The following PAK3 variants were observed in gnomAD, a reference collection of about 807,000 sequenced individuals.
PAK3 encodes the protein p21 (RAC1) activated kinase 3.
A neutral mutation model predicts 41.0 loss-of-function variants in PAK3; 4 were observed. The ratio of observed to expected loss-of-function variants is 0.10; its 90% CI spans 0.05 to 0.22. The LOEUF (loss-of-function observed/expected upper bound fraction) is 0.22. PAK3 is among the 10% of genes least tolerant of loss of function. PAK3 has a pLI of 1.00. For synonymous variants in PAK3, 146 were observed against 139.6 expected, an observed-to-expected ratio of 1.05 and a Z score of -0.32; for missense variants, 205 against 409.9, an observed-to-expected ratio of 0.50 and a Z score of 4.32.
At position 110,947,220 on chromosome X, in the gene PAK3, T is replaced by C. The variant is rs940611124; in HGVS notation, c.-28+2592T>C. ...ACCAAAAATAGCCCTGGGTTCTATT[T>C]GAAAGGAATGACAGAAGTAGATGAG... On this transcript the variant is annotated intron_variant, in intron 1 of 14. Coordinates refer to the PAK3 transcript ENST00000425146. Among the ~76,000 whole-genome samples, 5 of 111,956 alleles carry C rather than the reference T, an allele frequency of 4.5e-5. No individual in the cohort carries two copies. In the Admixed American group the frequency reaches 4.7e-4, roughly 11 times the overall value.
chrX:111,194,828 A>G (rs1264022252), intron 14 of PAK3, among the ~76,000 whole-genome samples: 1 of 112,060 alleles, frequency 8.9e-6, no homozygotes, highest in Non-Finnish European at 1.9e-5. Flanking sequence ...TCATTTTTAG[A>G]AGGCAATTTA....
intron 17 of PAK3, chrX:111,217,780 A>C (rs1338749673): frequency 6.0e-6 from 1 of 166,965 alleles, no homozygotes; most frequent in East Asian, 2.6e-4. Context: ...TGAGTACATC[A>C]CTTTTATATT....
At chrX:111,212,617 T>G (rs2094834266) in intron 16 of PAK3, among the ~76,000 whole-genome samples, 1 of 111,940 alleles carries the variant, frequency 8.9e-6, no homozygotes, top group African/African-American at 3.2e-5. Flanking sequence ...CTGTTGCAAT[T>G]AAAATGAAAA....
At chrX:111,108,309 A>G (rs1464898560) in intron 4 of PAK3, among the ~76,000 whole-genome samples, 2 of 111,915 alleles carry the variant, frequency 1.8e-5, no homozygotes, top group Non-Finnish European at 3.8e-5. Flanking sequence ...GTGGAGTAAT[A>G]AGAGTGATCT....
chrX:111,086,877 G>A (rs772436579), intron 1 of PAK3, among the ~76,000 whole-genome samples: 1 of 111,963 alleles, frequency 8.9e-6, no homozygotes, highest in East Asian at 2.8e-4. Flanking sequence ...TGTGCTCTGA[G>A]CTGCCTAGAC....
chrX:111,163,850 T>C, intron 10 of PAK3, 123 bp downstream of exon 10: 1 of 578,269 alleles, frequency 1.7e-6, no homozygotes, highest in South Asian at 2.5e-5. Flanking sequence ...CCCAAAATCA[T>C]GAGATGAAAA....
At chrX:111,097,870 T>C (rs1277192244) in intron 3 of PAK3, among the ~76,000 whole-genome samples, 186 bp downstream of exon 3, 1 of 110,914 alleles carries the variant, frequency 9.0e-6, no homozygotes, top group Non-Finnish European at 1.9e-5. Context: ...ACAAGTGTCA[T>C]ATCCCCCAGC....
rs751818798 is a variant in PAK3 at position 111,193,411 on chromosome X, G to A, written c.992+793G>A. On this transcript the variant is annotated intron_variant, in intron 13 of 17. Coordinates refer to ENST00000372007, the MANE Select transcript of PAK3 (RefSeq NM_002578.5). ...GTCGCCCAGGCTAGAGTGCAGTGGC[G>A]TGATCTCAGCTCACTGCAACCTCTG... Among the ~76,000 whole-genome samples, 140 of 101,129 alleles carry A rather than the reference G, an allele frequency of 1.4e-3. 1 individual carries two copies. The highest frequency in any genetic ancestry group is 7.5e-3 in the South Asian group (16 of 2,132). 87.8% of individuals were successfully genotyped at this position (101,129 alleles called of 115,157 possible).
intron 1 of PAK3, among the ~76,000 whole-genome samples, chrX:111,080,762 G>T (rs1207645902): frequency 8.9e-6 from 1 of 112,185 alleles, no homozygotes; most frequent in Non-Finnish European, 1.9e-5. Flanking sequence ...GAATAAATAT[G>T]TTGAGGATAT....
chrX:111,002,123 C>T (rs1326817643), intron 1 of PAK3, among the ~76,000 whole-genome samples: 1 of 111,661 alleles, frequency 9.0e-6, no homozygotes, highest in Non-Finnish European at 1.9e-5. Context: ...TGCCATTACC[C>T]TCTTTTTAGA....
intron 1 of PAK3, among the ~76,000 whole-genome samples, chrX:111,036,720 C>T (rs1024570818): frequency 3.6e-5 from 4 of 111,829 alleles, no homozygotes; most frequent in South Asian, 3.8e-4. Flanking sequence ...ATAGTAACCA[C>T]GCATGAGAGT....
At chrX:111,179,974 T>C (rs767640864) in intron 11 of PAK3, among the ~76,000 whole-genome samples, 1 of 110,634 alleles carries the variant, frequency 9.0e-6, no homozygotes, top group African/African-American at 3.3e-5. Context: ...GCCAGGCTGG[T>C]CTTGAACTCC....
chrX:111,011,675 C>A (rs1421472632), intron 1 of PAK3, among the ~76,000 whole-genome samples: 1 of 112,501 alleles, frequency 8.9e-6, no homozygotes, highest in Non-Finnish European at 1.9e-5. Flanking sequence ...CTCCGTTCTT[C>A]TGCTTCTGCA....
chrX:111,033,173 G>A (rs996661366), intron 1 of PAK3, among the ~76,000 whole-genome samples: 2 of 111,133 alleles, frequency 1.8e-5, no homozygotes, highest in African/African-American at 6.6e-5. Context: ...TATGGCCATA[G>A]CCCTCTACAC....
At chrX:111,162,887 GA>G in intron 8 of PAK3, 27 bp from the exon 9 acceptor site, 2 of 1,186,524 alleles carry the variant, frequency 1.7e-6, no homozygotes, top group Non-Finnish European at 1.1e-6. Context: ...GTTAATACCT[GA>G]TCTTTAAACT....
At chrX:111,144,893 G>T in intron 6 of PAK3, 2 of 1,134,361 alleles carry the variant, frequency 1.8e-6, no homozygotes, top group Non-Finnish European at 2.4e-6. Context: ...ACCTGTGACG[G>T]TCGCTTCAAG....
rs375486434 is a variant in PAK3, at chrX:111,194,265, C to T, written c.993-36C>T. The T allele has an allele frequency of 5.8e-5, 48 of 829,435 alleles. 2 individuals carry two copies. In the South Asian group the frequency reaches 7.1e-4, roughly 12 times the overall value. 68.4% of individuals were successfully genotyped at this position (829,435 alleles called of 1,213,427 possible). ...ATATCAGAGTCCCCAGGTTTTTTAG[C>T]GTCATAAGGCAAAGTCTTTTCTTTT... On this transcript the variant is annotated intron_variant, in intron 13 of 17. Transcript: ENST00000372007.
intron 10 of PAK3, among the ~76,000 whole-genome samples, chrX:111,170,638 A>G (rs747402547): frequency 1.8e-5 from 2 of 111,663 alleles, no homozygotes; most frequent in Non-Finnish European, 3.8e-5. Context: ...GAAAGGACAA[A>G]GTTCCTGCCC....
intron 1 of PAK3, among the ~76,000 whole-genome samples, chrX:110,975,639 C>T (rs992628085): frequency 8.9e-5 from 10 of 111,789 alleles, no homozygotes; most frequent in Non-Finnish European, 1.3e-4. Flanking sequence ...CAAAAGAGAG[C>T]GTATGTTGCC....
Sources: gnomAD v4.1 joint callset for allele counts (sites outside exome capture counted in the v4.1 genomes callset) on GRCh38, gnomAD v4.1.1 for gene constraint, MANE v1.5 for transcripts, NCBI Gene and HGNC (gene_info 2026-07-23, HGNC 2026-07-21) for gene names.